The following POU2F2 variants were observed in gnomAD, a reference collection of about 807,000 sequenced individuals.
POU2F2 encodes POU class 2 homeobox 2.
In POU2F2, 14 loss-of-function variants were observed where a neutral mutation model predicts 63.5. That is an observed-to-expected ratio of 0.22 (90% CI 0.15 to 0.34). The LOEUF (loss-of-function observed/expected upper bound fraction) is 0.34. Ranked by LOEUF, POU2F2 falls within the 10% of genes least tolerant of loss-of-function variation. The probability of loss-of-function intolerance (pLI) is 1.00; values close to 1 mark genes in which losing one functional copy is unlikely to be tolerated. For synonymous variants in POU2F2, 306 were observed against 348.6 expected (o/e 0.88, Z 1.36); for missense variants, 607 against 815.2 (o/e 0.74, Z 3.11).
intron 5 of POU2F2, chr19:42,116,696 T>A (rs2031911855): frequency 3.2e-6 from 1 of 311,206 alleles, no homozygotes; most frequent in Non-Finnish European, 6.4e-6. Flanking sequence ...TGGTCCCCAG[T>A]GGCTGCCCTT....
intron 5 of POU2F2, among the ~76,000 whole-genome samples, chr19:42,105,118 C>T (rs1339666712): frequency 6.6e-6 from 1 of 152,198 alleles, no homozygotes; most frequent in East Asian, 1.9e-4. Context: ...ACTTATGCTT[C>T]AGGGCCCCCC....
intron 5 of POU2F2, among the ~76,000 whole-genome samples, chr19:42,101,014 G>A (rs1219209681): frequency 1.3e-5 from 2 of 152,004 alleles, no homozygotes; most frequent in Non-Finnish European, 1.5e-5. Context: ...CAGGAGAATC[G>A]CTTGAACCCG....
intron 1 of POU2F2, among the ~76,000 whole-genome samples, chr19:42,168,081 G>A (rs1216246243): frequency 2.6e-5 from 4 of 152,208 alleles, no homozygotes; most frequent in African/African-American, 4.8e-5. Flanking sequence ...GGGGCAAGTC[G>A]TAGCAGTGGC....
Position 42,122,152 on chromosome 19 carries a change from C to T in POU2F2, c.160G>A (p.Val54Met), listed in dbSNP as rs754417954. ...TTTGTACTGGGGCCAGTTGGGGACA[C>T]GGAGAATGGGGAGGTCTTATTTTGG... is the stretch of plus-strand genomic sequence containing the variant. ...NPQNKTSPFS[V>M]SPTGPSTKVG... Residue 54 changes from valine (V) to methionine (M), a missense_variant, in exon 4 of 15, where the codon GTG becomes ATG. Val to Met is a conservative substitution (Grantham distance 21). This residue lies in a region of POU2F2 where 224 missense variants were observed against 264.3 expected (regional missense o/e 0.85). Coordinates refer to ENST00000692977, the MANE Select transcript of POU2F2 (RefSeq NM_001394376.1). 9.9e-6 allele frequency: 16 copies of T among 1,613,380 alleles called. No individual in the cohort carries two copies. The highest frequency in any genetic ancestry group is 8.9e-5 in the East Asian group (4 of 44,892).
chr19:42,189,678 C>T (rs544842078), intron 1 of POU2F2, among the ~76,000 whole-genome samples: 21 of 152,190 alleles, frequency 1.4e-4, no homozygotes, highest in African/African-American at 2.7e-4. Flanking sequence ...AGGACAAGCA[C>T]GAGGGGAGCA....
chr19:42,101,901 C>T (rs1407882538), intron 5 of POU2F2, among the ~76,000 whole-genome samples: 5 of 151,100 alleles, frequency 3.3e-5, no homozygotes, highest in Non-Finnish European at 7.4e-5. Context: ...CGCTTGAAGC[C>T]GGGAGGCGGA....
At chr19:42,131,410 G>A (rs2033717447) in intron 1 of POU2F2, among the ~76,000 whole-genome samples, 1 of 152,086 alleles carries the variant, frequency 6.6e-6, no homozygotes, top group South Asian at 2.1e-4. Flanking sequence ...ACCAAACCAA[G>A]ACTCATGCCC....
intron 5 of POU2F2, among the ~76,000 whole-genome samples, chr19:42,101,024 G>A (rs1339858418): frequency 6.6e-6 from 1 of 151,926 alleles, no homozygotes; most frequent in Non-Finnish European, 1.5e-5. Flanking sequence ...GCTTGAACCC[G>A]GAGGCGGAGA....
intron 1 of POU2F2, among the ~76,000 whole-genome samples, chr19:42,181,923 T>C (rs1373134744): frequency 1.3e-5 from 2 of 152,164 alleles, no homozygotes; most frequent in Non-Finnish European, 2.9e-5. Context: ...TGTTCATTAA[T>C]GAAACATTTG....
Position 42,088,547 on chromosome 19 carries a change from G to A in POU2F2, c.*2710C>T, listed in dbSNP as rs1352265480. 13 of 123,852 alleles carry A rather than the reference G, an allele frequency of 1.0e-4. No homozygotes were observed. The highest frequency in any genetic ancestry group is 2.0e-4 in the Non-Finnish European group (12 of 58,864). 7.7% of individuals were successfully genotyped at this position (123,852 alleles called of 1,614,324 possible). A position where few individuals can be genotyped will look rare whatever the true frequency, so the allele number is the denominator to read the frequency against. On this transcript the variant is annotated 3_prime_UTR_variant, in exon 15 of 15. Transcript: ENST00000692977. ...TGGTCTAGAATCATAGTTTTTGTTT[G>A]AGTCATCTCCACCATGCCTTCCATG...
Position 42,092,393 on chromosome 19 carries a change from C to T in POU2F2, c.1265-123G>A. ...CGCAGCATCTCCTCAGTCAGAACAG[C>T]CTTAGACCTCCCTGCCCTCTCTTCC... On this transcript the variant is annotated intron_variant, in intron 12 of 14. Coordinates refer to ENST00000692977, the MANE Select transcript of POU2F2 (RefSeq NM_001394376.1). This position sits in a 1 kb window ranked among gnomAD's most constrained non-coding sequence, Gnocchi z 5.0. 1 of 749,726 alleles carries T rather than the reference C, an allele frequency of 1.3e-6. No individual in the cohort carries two copies. Among genetic ancestry groups the T allele is most frequent in the East Asian group, 2.7e-5 (1 of 37,468 alleles). 46.4% of individuals were successfully genotyped at this position (749,726 alleles called of 1,614,324 possible). A position where few individuals can be genotyped will look rare whatever the true frequency, so the allele number is the denominator to read the frequency against.
At chr19:42,134,139 C>T (rs778917170), upstream of POU2F2, among the ~76,000 whole-genome samples, 3 of 149,432 alleles carry the variant, frequency 2.0e-5, no homozygotes, top group African/African-American at 5.0e-5. Context: ...TGTCTCAAAG[C>T]GACATTTACG....
In POU2F2 at chr19:42,155,672, C is replaced by A. The variant is rs1221089698; in HGVS notation, c.-9+4660G>T. 2.0e-5 allele frequency: 3 copies of A among 152,270 alleles called. No homozygotes were observed. The highest frequency in any genetic ancestry group is 2.0e-4 in the Admixed American group (3 of 15,284). The allele number at this position is 152,270 out of a possible 1,614,324, so 9.4% of individuals were successfully genotyped here. On this transcript the variant is annotated intron_variant, in intron 2 of 6. Coordinates refer to the POU2F2 transcript ENST00000524801. The surrounding 1 kb of genome is among the most constrained non-coding windows in gnomAD (Gnocchi z 4.2). Reference sequence around the variant, plus strand: ...TTTTCCCTCAATCACCTTTTATCCTCCTCTCTTTCCTACCCCACCTCACAC... The same window carrying A: ...TTTTCCCTCAATCACCTTTTATCCTACTCTCTTTCCTACCCCACCTCACAC...
chr19:42,139,408 C>T (rs1308166282), intron 2 of POU2F2, among the ~76,000 whole-genome samples: 1 of 152,196 alleles, frequency 6.6e-6, no homozygotes, highest in Non-Finnish European at 1.5e-5. Flanking sequence ...CCTGAACTCC[C>T]TGGACCTCAG....
intron 5 of POU2F2, among the ~76,000 whole-genome samples, chr19:42,100,085 C>CTTTTTTTTTTTTTT: frequency 1.3e-5 from 1 of 77,080 alleles, no homozygotes; most frequent in Non-Finnish European, 2.6e-5. Flanking sequence ...CCCTTTCTTT[C>CTTTTTTTTTTTTTT]TTTTTTTTTT....
At chr19:42,195,330 C>CTTT (rs894258162) in intron 1 of POU2F2, among the ~76,000 whole-genome samples, 22 of 125,520 alleles carry the variant, frequency 1.8e-4, no homozygotes, top group African/African-American at 2.8e-4. Context: ...CCCTCTTTTT[C>CTTT]TTTTTTTTTT....
chr19:42,114,122 C>T (rs975708563), intron 5 of POU2F2, among the ~76,000 whole-genome samples: 4 of 152,016 alleles, frequency 2.6e-5, no homozygotes, highest in African/African-American at 7.3e-5. Flanking sequence ...ACAATCAGGG[C>T]CTGGGCTATA....
At chr19:42,183,679 G>A (rs1370286229) in intron 1 of POU2F2, among the ~76,000 whole-genome samples, 1 of 152,180 alleles carries the variant, frequency 6.6e-6, no homozygotes, top group East Asian at 1.9e-4. Flanking sequence ...TGGGAGCCAA[G>A]AGGAGGTGGA....
At chr19:42,134,841 G>A (rs547276726), upstream of POU2F2, among the ~76,000 whole-genome samples, 278 of 152,234 alleles carry the variant, frequency 1.8e-3, no homozygotes, top group Non-Finnish European at 3.1e-3. Flanking sequence ...GGATCGATAC[G>A]TTTGACTCCC....
Sources: allele counts gnomAD v4.1 joint callset (sites outside exome capture counted in the v4.1 genomes callset), GRCh38; gene constraint gnomAD v4.1.1; regional missense constraint gnomAD v4.1.1; non-coding constraint Gnocchi (gnomAD v3.1); transcripts MANE v1.5; gene names NCBI Gene and HGNC (gene_info 2026-07-23, HGNC 2026-07-21).